SRGAP1: variants seen among roughly 807,000 people sequenced by gnomAD.
The protein encoded by SRGAP1 is SLIT-ROBO Rho GTPase activating protein 1.
In SRGAP1, 43 loss-of-function variants were observed where a neutral mutation model predicts 121.9. The observed-to-expected ratio is 0.35, with a 90% CI of 0.28 to 0.46. The LOEUF is 0.46. SRGAP1 is among the 20% of genes least tolerant of loss of function. The pLI is 1.00. For synonymous variants in SRGAP1, 447 were observed against 485.4 expected, an observed-to-expected ratio of 0.92 and a Z score of 1.04; for missense variants, 1,102 against 1,350.9, an observed-to-expected ratio of 0.82 and a Z score of 2.89.
At chr12:64,007,826 T>C (rs1242265413) in intron 3 of SRGAP1, among the ~76,000 whole-genome samples, 1 of 152,186 alleles carries the variant, frequency 6.6e-6, no homozygotes, top group Non-Finnish European at 1.5e-5. Context: ...CAATATTCTC[T>C]GGAAGGGACT....
intron 3 of SRGAP1, among the ~76,000 whole-genome samples, chr12:64,010,387 T>A (rs2034217528): frequency 6.6e-6 from 1 of 152,150 alleles, no homozygotes; most frequent in Non-Finnish European, 1.5e-5. Flanking sequence ...CTCTCCCTCC[T>A]TTCTGGGAGG....
chr12:63,936,036 A>G (rs1199210832), intron 1 of SRGAP1, among the ~76,000 whole-genome samples: 2 of 152,224 alleles, frequency 1.3e-5, no homozygotes, highest in Non-Finnish European at 2.9e-5. Flanking sequence ...TGATGAGAGT[A>G]GGAGTAACTT....
chr12:63,981,749 C>T (rs2033254119), intron 1 of SRGAP1, among the ~76,000 whole-genome samples: 1 of 152,212 alleles, frequency 6.6e-6, no homozygotes. Flanking sequence ...AGCAAGGACA[C>T]TTGAGAAATT....
chr12:63,903,880 G>A (rs1039797525), intron 1 of SRGAP1, among the ~76,000 whole-genome samples: 22 of 151,968 alleles, frequency 1.4e-4, no homozygotes, highest in African/African-American at 5.1e-4. Flanking sequence ...TGATCTGCCC[G>A]CCTCGGCCTC....
chr12:63,882,025 T>C (rs1015960012), intron 1 of SRGAP1, among the ~76,000 whole-genome samples: 2 of 152,122 alleles, frequency 1.3e-5, no homozygotes, highest in Non-Finnish European at 2.9e-5. Context: ...AATTAGAATA[T>C]AGAGTTTGTA....
At chr12:64,137,329 T>A (rs1396729543) in intron 21 of SRGAP1, among the ~76,000 whole-genome samples, 1 of 151,896 alleles carries the variant, frequency 6.6e-6, no homozygotes, top group Non-Finnish European at 1.5e-5. Context: ...GCTCTGCACA[T>A]GTCTCTGAGG....
intron 1 of SRGAP1, among the ~76,000 whole-genome samples, chr12:63,957,776 C>T (rs78631350): frequency 6.6e-6 from 1 of 152,202 alleles, no homozygotes; most frequent in South Asian, 2.1e-4. Context: ...TAATGTGTTC[C>T]TTTTTTCTCT....
chr12:64,120,151 T>C (rs2036583461), intron 18 of SRGAP1, among the ~76,000 whole-genome samples: 1 of 152,204 alleles, frequency 6.6e-6, no homozygotes, highest in African/African-American at 2.4e-5. Context: ...AGTCTCTGGC[T>C]ATTTATTCAT....
At chr12:63,888,960 G>A (rs1188237672) in intron 1 of SRGAP1, among the ~76,000 whole-genome samples, 1 of 152,116 alleles carries the variant, frequency 6.6e-6, no homozygotes, top group African/African-American at 2.4e-5. Flanking sequence ...GAGTGGAGAG[G>A]GTCGATGAGG....
chr12:64,091,398 G>T lies in SRGAP1; in HGVS notation c.1539+20G>T. 6.4e-7 allele frequency: 1 copy of T among 1,564,014 alleles called. No homozygotes were observed. Among genetic ancestry groups the T allele is most frequent in the Middle Eastern group, 1.7e-4 (1 of 5,956 alleles). ...GTCAAGGTACTGGCACCAGCCATCT[G>T]GGTGGCTGATCTCCATGCTTCTTAC... is the stretch of plus-strand genomic sequence containing the variant. On this transcript the variant is annotated intron_variant, in intron 12 of 21. Transcript: ENST00000355086.
intron 1 of SRGAP1, among the ~76,000 whole-genome samples, chr12:63,900,195 TTTC>T (rs1367956199): frequency 7.7e-3 from 226 of 29,418 alleles, no homozygotes; most frequent in Admixed American, 0.022. Context: ...TCTTTTTCTT[TTTC>T]TTTTTCTTTT....
chr12:63,985,668 A>G (rs1448175013), intron 2 of SRGAP1, among the ~76,000 whole-genome samples: 2 of 152,216 alleles, frequency 1.3e-5, no homozygotes, highest in African/African-American at 4.8e-5. Flanking sequence ...TGGCAATTGT[A>G]TCCACCCTTT....
chr12:63,856,189 T>A (rs1239581961), intron 1 of SRGAP1, among the ~76,000 whole-genome samples: 2 of 151,516 alleles, frequency 1.3e-5, no homozygotes, highest in Non-Finnish European at 2.9e-5. Context: ...ACCCAGGAGG[T>A]GGGGATGAGC....
At chr12:63,921,147 A>C (rs1005790918) in intron 1 of SRGAP1, among the ~76,000 whole-genome samples, 1 of 151,972 alleles carries the variant, frequency 6.6e-6, no homozygotes, top group African/African-American at 2.4e-5. Flanking sequence ...CATTACCACC[A>C]CCTGACAGTT....
At chr12:64,100,735 T>G (rs2036240472) in intron 15 of SRGAP1, among the ~76,000 whole-genome samples, 1 of 152,186 alleles carries the variant, frequency 6.6e-6, no homozygotes, top group Non-Finnish European at 1.5e-5. Context: ...TCCTCCAACA[T>G]GTAACCTCTT....
chr12:63,918,430 T>C (rs1294558393), intron 1 of SRGAP1, among the ~76,000 whole-genome samples: 1 of 152,134 alleles, frequency 6.6e-6, no homozygotes, highest in Non-Finnish European at 1.5e-5. Context: ...CTTTCTCTCT[T>C]TTTTTAAGAC....
chr12:63,943,798 T>G (rs1300349470), intron 1 of SRGAP1, among the ~76,000 whole-genome samples: 1 of 152,092 alleles, frequency 6.6e-6, no homozygotes, highest in African/African-American at 2.4e-5. Context: ...CAACCAACAT[T>G]TAGGTGATTT....
intron 1 of SRGAP1, among the ~76,000 whole-genome samples, chr12:63,900,697 C>G (rs2136306178): frequency 6.6e-6 from 1 of 152,058 alleles, no homozygotes; most frequent in Middle Eastern, 3.4e-3. Context: ...ACCTGTAGTC[C>G]CAGCTACTTG....
chr12:64,000,539 G>A (rs1473580774), intron 3 of SRGAP1, among the ~76,000 whole-genome samples: 1 of 152,148 alleles, frequency 6.6e-6, no homozygotes, highest in Non-Finnish European at 1.5e-5. Context: ...CTTGAGCCCA[G>A]GCATTTAAGG....
Sources: gnomAD v4.1 joint callset for allele counts (sites outside exome capture counted in the v4.1 genomes callset) on GRCh38, gnomAD v4.1.1 for gene constraint, MANE v1.5 for transcripts, NCBI Gene and HGNC (gene_info 2026-07-23, HGNC 2026-07-21) for gene names.